GALNTL6: variants seen among roughly 807,000 people sequenced by gnomAD.
The protein encoded by GALNTL6 is polypeptide N-acetylgalactosaminyltransferase like 6.
GALNTL6 carries 46 observed loss-of-function variants against 73.7 expected under a neutral mutation model. The ratio of observed to expected loss-of-function variants is 0.62; its 90% CI spans 0.49 to 0.80. The LOEUF is 0.80. Ranked by LOEUF, GALNTL6 falls within the 30% of genes least tolerant of loss-of-function variation. The pLI, the probability that GALNTL6 is intolerant of heterozygous loss-of-function variation, is 0.00. For synonymous variants in GALNTL6, 259 were observed against 263.7 expected (o/e 0.98, Z 0.17); for missense variants, 604 against 755.0 (o/e 0.80, Z 2.34).
intron 9 of GALNTL6, among the ~76,000 whole-genome samples, chr4:172,936,479 A>G (rs375794168): frequency 1.3e-5 from 2 of 152,204 alleles, no homozygotes; most frequent in South Asian, 4.1e-4. Flanking sequence ...GAGGAAGTCA[A>G]ATTGTCTCTG....
intron 5 of GALNTL6, among the ~76,000 whole-genome samples, chr4:172,552,967 A>C (rs1312688094): frequency 1.3e-5 from 2 of 152,032 alleles, no homozygotes; most frequent in Admixed American, 6.6e-5. Flanking sequence ...TTAAATACAC[A>C]TCACCAAAGT....
intron 2 of GALNTL6, among the ~76,000 whole-genome samples, chr4:172,004,765 C>CAGTAAGA (rs1740781255): frequency 6.6e-6 from 1 of 151,898 alleles, no homozygotes; most frequent in Non-Finnish European, 1.5e-5. Flanking sequence ...ATCAGATGCC[C>CAGTAAGA]AATTACTGAA....
intron 5 of GALNTL6, among the ~76,000 whole-genome samples, chr4:172,538,870 C>A (rs1735446347): frequency 6.6e-6 from 1 of 151,908 alleles, no homozygotes; most frequent in Non-Finnish European, 1.5e-5. Flanking sequence ...TGAACAGAAA[C>A]CAATGAAAGC....
At chr4:172,445,567 A>C (rs574629275) in intron 5 of GALNTL6, among the ~76,000 whole-genome samples, 106 of 152,314 alleles carry the variant, frequency 7.0e-4, no homozygotes, top group African/African-American at 2.4e-3. Flanking sequence ...AATAGATGTA[A>C]CTGAAAAGTT....
rs34973148 is a variant in GALNTL6 at position 172,533,316 on chromosome 4, A to ATTTTTTTTT, written c.553+184645_553+184653dup. ...GCGTGAGCCGCCGTGCCCGGCCAGA[A>ATTTTTTTTT]TTTTTTTTTTTTTTTTTTTTTTTTT... On this transcript the variant is annotated intron_variant, in intron 5 of 12. Transcript: ENST00000506823. Among the ~76,000 whole-genome samples the ATTTTTTTTT allele has an allele frequency of 9.0e-5, 7 of 77,394 alleles. 1 individual carries two copies. Among genetic ancestry groups the ATTTTTTTTT allele is most frequent in the Non-Finnish European group, 1.1e-4 (5 of 45,500 alleles). The allele number at this position is 77,394 out of a possible 152,430, so 50.8% of individuals were successfully genotyped here. A position where few individuals can be genotyped will look rare whatever the true frequency, so the allele number is the denominator to read the frequency against.
intron 3 of GALNTL6, among the ~76,000 whole-genome samples, chr4:172,241,632 C>G (rs1360880176): frequency 1.3e-5 from 2 of 152,146 alleles, no homozygotes; most frequent in Non-Finnish European, 2.9e-5. Flanking sequence ...ATTGCAGGAC[C>G]AGGAAGGCTT....
At chr4:172,031,543 A>G (rs911802185) in intron 2 of GALNTL6, among the ~76,000 whole-genome samples, 1 of 152,128 alleles carries the variant, frequency 6.6e-6, no homozygotes, top group African/African-American at 2.4e-5. Flanking sequence ...GATGAAATCT[A>G]AAACACTGAG....
chr4:172,769,152 C>T (rs941272719), intron 5 of GALNTL6, among the ~76,000 whole-genome samples: 2 of 152,064 alleles, frequency 1.3e-5, no homozygotes, highest in Non-Finnish European at 2.9e-5. Context: ...ATTCATCTGG[C>T]AGTCTCATAA....
intron 5 of GALNTL6, among the ~76,000 whole-genome samples, chr4:172,498,047 G>A (rs575888983): frequency 2.2e-5 from 3 of 138,834 alleles, no homozygotes; most frequent in African/African-American, 8.0e-5. Context: ...CTGGAGTGCA[G>A]TGACGCAATC....
chr4:172,123,745 C>T (rs1000031056), intron 2 of GALNTL6, among the ~76,000 whole-genome samples: 12 of 152,044 alleles, frequency 7.9e-5, no homozygotes, highest in Non-Finnish European at 1.8e-4. Context: ...GTGATCCACC[C>T]ACCTCAGCCT....
chr4:172,512,612 T>C (rs1262393014), intron 5 of GALNTL6, among the ~76,000 whole-genome samples: 1 of 152,202 alleles, frequency 6.6e-6, no homozygotes, highest in African/African-American at 2.4e-5. Context: ...AGCTCCTTTT[T>C]AACAGTTCTT....
At chr4:172,857,477 T>C (rs1744178768) in intron 7 of GALNTL6, among the ~76,000 whole-genome samples, 1 of 152,126 alleles carries the variant, frequency 6.6e-6, no homozygotes, top group African/African-American at 2.4e-5. Context: ...TCAATATGTA[T>C]GTGCAAGGCA....
chr4:172,586,110 A>G (rs1468181957), intron 5 of GALNTL6, among the ~76,000 whole-genome samples: 1 of 152,204 alleles, frequency 6.6e-6, no homozygotes, highest in Non-Finnish European at 1.5e-5. Context: ...GTGATTCCTT[A>G]AGGATCTAGA....
At chr4:172,369,998 A>T (rs968631290) in intron 5 of GALNTL6, among the ~76,000 whole-genome samples, 8 of 152,166 alleles carry the variant, frequency 5.3e-5, no homozygotes, top group African/African-American at 1.9e-4. Flanking sequence ...AGAGCGAGCA[A>T]GTGCTGCTAG....
intron 5 of GALNTL6, among the ~76,000 whole-genome samples, chr4:172,711,328 C>T (rs1367185086): frequency 1.3e-5 from 2 of 152,022 alleles, no homozygotes; most frequent in Admixed American, 6.6e-5. Context: ...GAGATTACTG[C>T]GGCTGAAGCT....
chr4:172,757,353 A>G (rs1737809381), intron 5 of GALNTL6, among the ~76,000 whole-genome samples: 2 of 152,228 alleles, frequency 1.3e-5, no homozygotes, highest in South Asian at 4.1e-4. Flanking sequence ...AATAAAATTA[A>G]AATTCAGAAA....
intron 5 of GALNTL6, among the ~76,000 whole-genome samples, chr4:172,747,614 G>GA (rs372743596): frequency 1.3e-5 from 2 of 151,320 alleles, no homozygotes; most frequent in Non-Finnish European, 1.5e-5. Context: ...GGAAGTTCCT[G>GA]AAAAAAAACT....
chr4:171,866,165 G>C (rs1316722201), intron 2 of GALNTL6, among the ~76,000 whole-genome samples: 1 of 152,088 alleles, frequency 6.6e-6, no homozygotes, highest in Admixed American at 6.5e-5. Context: ...AGAGGAGCAG[G>C]TAATGTTGTG....
chr4:172,215,663 C>A, intron 2 of GALNTL6, among the ~76,000 whole-genome samples: 1 of 151,814 alleles, frequency 6.6e-6, no homozygotes. Context: ...TTTTTATATC[C>A]ACTCTAAAAA....
Sources: allele counts gnomAD v4.1 joint callset (sites outside exome capture counted in the v4.1 genomes callset), GRCh38; gene constraint gnomAD v4.1.1; transcripts MANE v1.5; gene names NCBI Gene and HGNC (gene_info 2026-07-23, HGNC 2026-07-21).